Variants in RBFA observed in about 807,000 individuals in gnomAD.
RBFA encodes the protein putative ribosome-binding factor A, mitochondrial.
A neutral mutation model predicts 27.9 loss-of-function variants in RBFA; 16 were observed. The observed-to-expected ratio is 0.57, with a 90% CI of 0.39 to 0.87. The LOEUF (loss-of-function observed/expected upper bound fraction) is 0.87, where lower values mean the gene tolerates loss of function less well. Ranked by LOEUF, RBFA falls within the 40% of genes least tolerant of loss-of-function variation. The pLI, the probability that RBFA is intolerant of heterozygous loss-of-function variation, is 0.00. For missense variants in RBFA, 456 were observed against 432.1 expected (o/e 1.06, Z -0.49); for synonymous variants, 181 against 181.0 (o/e 1.00, Z 0.00).
intron 2 of RBFA, 36 bp from the exon 3 acceptor site, chr18:80,037,294 C>T (rs749608595): frequency 6.9e-6 from 11 of 1,593,228 alleles, no homozygotes; most frequent in African/African-American, 5.4e-5. Context: ...GGAGTTGTAA[C>T]GCTGCCCTTG....
chr18:80,049,231 C>T lies in RBFA; in HGVS notation c.*3076C>T, dbSNP rs1450697147. On this transcript the variant is annotated 3_prime_UTR_variant, in exon 7 of 7. Transcript: ENST00000306735. ...ATGGGTCCACTCCTGGGGATTTCCG[C>T]GGCCTTCCCTGGGAGCGGGTTAGGG... Among the ~76,000 whole-genome samples the T allele has an allele frequency of 8.7e-5, 13 of 149,634 alleles. No individual in the cohort carries two copies. Among genetic ancestry groups the T allele is most frequent in the African/African-American group, 2.7e-4 (11 of 40,340 alleles).
rs139845183 is a variant in RBFA at position 80,038,607 on chromosome 18, G to A, written c.481G>A (p.Ala161Thr). The change falls in exon 4 of 7, where the codon GCG becomes ACG. Residue 161 changes from alanine to threonine, a missense_variant. Coordinates refer to ENST00000306735, the MANE Select transcript of RBFA (RefSeq NM_024805.3). ...HMEAVLQRSA[A>T]HMRHLLMSQQ... ...GGAGGCTGTCCTGCAGAGAAGTGCC[G>A]CGCACATGAGGTGATGACCTTTGCT... is the stretch of plus-strand genomic sequence containing the variant. 1.4e-5 allele frequency: 23 copies of A among 1,612,150 alleles called. No homozygotes were observed. Among genetic ancestry groups the A allele is most frequent in the Admixed American group, 1.2e-4 (7 of 59,902 alleles).
rs973638680 is a variant in RBFA at position 80,048,714 on chromosome 18, T to C, written c.*2559T>C. Among the ~76,000 whole-genome samples the C allele has an allele frequency of 1.3e-5, 2 of 152,250 alleles. No individual in the cohort carries two copies. Among genetic ancestry groups the C allele is most frequent in the South Asian group, 4.1e-4 (2 of 4,830 alleles). On this transcript the variant is annotated 3_prime_UTR_variant, in exon 7 of 7. Coordinates refer to ENST00000306735, the MANE Select transcript of RBFA (RefSeq NM_024805.3). ...GTTCTCATTTTCCAAATAAGGAATCTGAGGCCCAGGGAGAGGTGAAGTGCT... is the reference window on the plus strand; with the variant it reads ...GTTCTCATTTTCCAAATAAGGAATCCGAGGCCCAGGGAGAGGTGAAGTGCT...
At chr18:80,040,239 A>ATTTTTTTTTTTTTTTTTTTTTTTTTTTT (rs71338083) in intron 4 of RBFA, among the ~76,000 whole-genome samples, 1 of 91,440 alleles carries the variant, frequency 1.1e-5, no homozygotes, top group Non-Finnish European at 2.0e-5. Flanking sequence ...GGAGGCCTGA[A>ATTTTTTTTTTTTTTTTTTTTTTTTTTTT]TTTTTTTTTT....
At chr18:80,042,763 G>A (rs1322228835) in intron 5 of RBFA, among the ~76,000 whole-genome samples, 1 of 150,624 alleles carries the variant, frequency 6.6e-6, no homozygotes, top group Admixed American at 6.6e-5. Context: ...GAGAGACTCC[G>A]TGTCAAAAAA....
At position 80,048,758 on chromosome 18, in the gene RBFA, C is replaced by T. The variant is rs1041965667; in HGVS notation, c.*2603C>T. 4.6e-5 allele frequency among the ~76,000 whole-genome samples: 7 copies of T among 152,218 alleles called. No individual in the cohort carries two copies. In the South Asian group the frequency reaches 1.0e-3, roughly 23 times the overall value. On this transcript the variant is annotated 3_prime_UTR_variant, in exon 7 of 7. Transcript: ENST00000306735. ...AAGTGCTGCAGGAGATCCAACCAGG[C>T]GCCGGCTCAGTGCCTCCTAGAAAGA...
chr18:80,035,911 T>C (rs1035418490), intron 1 of RBFA: 4 of 152,252 alleles, frequency 2.6e-5, no homozygotes, highest in African/African-American at 9.6e-5. Context: ...TTTGCTGGGT[T>C]CTGTGTGTGT....
At chr18:80,041,674 CTG>C (rs943168793) in intron 4 of RBFA, 1 of 151,464 alleles carries the variant, frequency 6.6e-6, no homozygotes, top group African/African-American at 2.4e-5. Flanking sequence ...CTCTTCTGGG[CTG>C]AGGTTTTCAT....
chr18:80,037,125 A>T (rs1192421841), intron 2 of RBFA: 1 of 493,150 alleles, frequency 2.0e-6, no homozygotes, highest in Non-Finnish European at 3.6e-6. Context: ...TACTGGCAGT[A>T]CTTTTAATCT....
intron 5 of RBFA, 89 bp from the exon 6 acceptor site, chr18:80,044,123 G>C: frequency 9.4e-7 from 1 of 1,067,582 alleles, no homozygotes; most frequent in Non-Finnish European, 1.5e-6. Flanking sequence ...AAGCTCTGCA[G>C]TCAACAATGC....
intron 6 of RBFA, among the ~76,000 whole-genome samples, chr18:80,044,707 G>A (rs1365397686): frequency 6.6e-6 from 1 of 152,232 alleles, no homozygotes; most frequent in Non-Finnish European, 1.5e-5. Flanking sequence ...GGTGGGGCTT[G>A]GGAGAGCAGG....
rs1057468151 is a variant in RBFA at position 80,034,457 on chromosome 18, C to T, written c.-39C>T. 4.1e-6 allele frequency: 6 copies of T among 1,451,262 alleles called. No homozygotes were observed. Among genetic ancestry groups the T allele is most frequent in the Middle Eastern group, 4.4e-4 (2 of 4,550 alleles). The allele number at this position is 1,451,262 out of a possible 1,614,324, so 89.9% of individuals were successfully genotyped here. On this transcript the variant is annotated 5_prime_UTR_variant, in exon 1 of 7. Transcript: ENST00000306735. ...TCAGTTGTCGCTCCGCGCCTGCGCC[C>T]GTTGTCTCCCTGCTCGCTCCGGGTC...
chr18:80,034,705 G>T, intron 1 of RBFA, 52 bp downstream of exon 1: 1 of 1,585,428 alleles, frequency 6.3e-7, no homozygotes. Context: ...AGGGGGCGGT[G>T]TCCCCGGGTT....
At chr18:80,036,755 G>C (rs373520361) in intron 2 of RBFA, 45 bp downstream of exon 2, 1 of 1,484,548 alleles carries the variant, frequency 6.7e-7, no homozygotes, top group Non-Finnish European at 9.3e-7. Flanking sequence ...ATGGGAGTGA[G>C]GGTTTAAAAG....
At chr18:80,039,414 A>G (rs1240357814) in intron 4 of RBFA, among the ~76,000 whole-genome samples, 2 of 152,190 alleles carry the variant, frequency 1.3e-5, no homozygotes, top group African/African-American at 4.8e-5. Flanking sequence ...CCTTTTTCAT[A>G]TTTTTTGTAA....
Position 80,042,139 on chromosome 18 carries a change from C to CT in RBFA, c.500dup (p.Leu167PhefsTer26), listed in dbSNP as rs2052020676. 1 of 1,608,370 alleles carries CT rather than the reference C, an allele frequency of 6.2e-7. No individual in the cohort carries two copies. Among genetic ancestry groups the CT allele is most frequent in the African/African-American group, 1.3e-5 (1 of 74,822 alleles). The stretch of plus-strand genomic sequence containing the variant: ...TCTGTGCGTTCTGTCTCCTAGGCAC[C>CT]TTTTGATGTCCCAGCAGACCCTGAG... On this transcript the variant is annotated frameshift_variant, in exon 5 of 7. Transcript: ENST00000306735. LOFTEE classifies it high-confidence loss of function.
At chr18:80,038,435 C>A in intron 3 of RBFA, 70 bp from the exon 4 acceptor site, 7 of 1,084,208 alleles carry the variant, frequency 6.5e-6, no homozygotes, top group African/African-American at 1.6e-5. Context: ...TCGTTTTCAT[C>A]TCCTGGATGT....
intron 4 of RBFA, among the ~76,000 whole-genome samples, chr18:80,038,898 A>G (rs757735386): frequency 3.3e-5 from 5 of 152,202 alleles, no homozygotes; most frequent in Non-Finnish European, 5.9e-5. Context: ...TGCTGTGTTG[A>G]CATTTGCACT....
chr18:80,034,764 A>G, intron 1 of RBFA, 111 bp downstream of exon 1: 1 of 1,384,692 alleles, frequency 7.2e-7, no homozygotes, highest in Non-Finnish European at 9.9e-7. Flanking sequence ...CTAGCTCGCC[A>G]GTTCCTGCCT....
Sources: allele counts gnomAD v4.1 joint callset (sites outside exome capture counted in the v4.1 genomes callset), GRCh38; gene constraint gnomAD v4.1.1; transcripts MANE v1.5; gene names NCBI Gene and HGNC (gene_info 2026-07-23, HGNC 2026-07-21).